The following TEP1 variants were observed in gnomAD, a reference collection of about 807,000 sequenced individuals.
TEP1 encodes telomerase protein component 1.
In TEP1, 241 loss-of-function variants were observed where a neutral mutation model predicts 306.3. That is an observed-to-expected ratio of 0.79 (90% confidence interval 0.71 to 0.88). The LOEUF is 0.88. Among genes scored for constraint, TEP1 ranks in the 40% least tolerant of loss-of-function variants. The probability of loss-of-function intolerance (pLI) is 0.00; values close to 1 mark genes in which losing one functional copy is unlikely to be tolerated. For synonymous variants in TEP1, 1,289 were observed against 1,305.5 expected, an observed-to-expected ratio of 0.99 and a Z score of 0.27; for missense variants, 3,051 against 3,276.1, an observed-to-expected ratio of 0.93 and a Z score of 1.68.
At chr14:20,371,822 G>T (rs1025411858) in intron 49 of TEP1, among the ~76,000 whole-genome samples, 190 bp from the exon 50 acceptor site, 9 of 152,062 alleles carry the variant, frequency 5.9e-5, no homozygotes, top group African/African-American at 1.9e-4. Context: ...CCCATTACTT[G>T]CTCAAACTAG....
In TEP1 at chr14:20,378,039, A is replaced by G. The variant is rs763568850; in HGVS notation, c.5706T>C (p.Ala1902=). 1.9e-6 allele frequency: 3 copies of G among 1,612,104 alleles called. No homozygotes were observed. The highest frequency in any genetic ancestry group is 2.5e-6 in the Non-Finnish European group (3 of 1,179,758). The change falls in exon 39 of 55, where the codon GCT becomes GCC. Residue 1902 remains alanine, a synonymous_variant. Coordinates refer to ENST00000262715, the MANE Select transcript of TEP1 (RefSeq NM_007110.5). ...FLHAGCQLLT[A]GEDGKVQVWS... ...GCAAGCTGACCTTGCCATCCTCTCC[A>G]GCCGTCAGTAACTGGCAACCCGCAT...
intron 4 of TEP1, 79 bp downstream of exon 4, chr14:20,405,372 C>A: frequency 6.4e-7 from 1 of 1,560,680 alleles, no homozygotes; most frequent in South Asian, 1.2e-5. Flanking sequence ...TGAAGCTAGT[C>A]ACCACCCCGC....
intron 53 of TEP1, 69 bp from the exon 54 acceptor site, chr14:20,368,971 G>T: frequency 8.8e-7 from 1 of 1,131,980 alleles, no homozygotes; most frequent in Non-Finnish European, 1.3e-6. Flanking sequence ...GCATCACAAT[G>T]TGCTGTGTCA....
In TEP1 at chr14:20,384,486, C is replaced by T. The variant is rs770102977; in HGVS notation, c.3244G>A (p.Val1082Met). 5.3e-5 allele frequency: 86 copies of T among 1,614,114 alleles called. No individual in the cohort carries two copies. The East Asian group carries it at 1.6e-3, about 29-fold the overall frequency. Residue 1082 changes from valine to methionine, a missense_variant, in exon 23 of 55, where the codon GTG (valine) becomes ATG (methionine). By Grantham distance (21) the Val-to-Met change is conservative (BLOSUM62 1). Coordinates refer to ENST00000262715, the MANE Select transcript of TEP1 (RefSeq NM_007110.5). ...CCAACATAGGGCCGGCCAGCTGCCA[C>T]ACCCCCCCACTCACAGGGGTATCTG... ...CRRYPCEWGG[V>M]AAGRPYVGGL... is the part of the protein sequence containing the mutation.
rs1360690989 is a variant in TEP1 at position 20,377,007 on chromosome 14, G to A, written c.6088+273C>T. Among the ~76,000 whole-genome samples the A allele has an allele frequency of 5.3e-5, 8 of 152,144 alleles. No homozygotes were observed. In the East Asian group the frequency reaches 1.5e-3, roughly 29 times the overall value. Reference sequence around the variant, plus strand: ...GAGGTGGGTGGATCACCTATGGTCAGGAGTTCGAGACCAGCATGACCAACA... The same window carrying A: ...GAGGTGGGTGGATCACCTATGGTCAAGAGTTCGAGACCAGCATGACCAACA... On this transcript the variant is annotated intron_variant, in intron 41 of 54. Coordinates refer to ENST00000262715, the MANE Select transcript of TEP1 (RefSeq NM_007110.5).
intron 29 of TEP1, 46 bp from the exon 30 acceptor site, chr14:20,382,109 C>A (rs376019257): frequency 3.5e-5 from 56 of 1,611,092 alleles, no homozygotes; most frequent in Admixed American, 1.2e-4. Context: ...CATACGGTGT[C>A]CCCGCCCCCA....
Position 20,370,059 on chromosome 14 carries a change from G to A in TEP1, c.7318-280C>T, listed in dbSNP as rs118050610. On this transcript the variant is annotated intron_variant, in intron 51 of 54. Coordinates refer to ENST00000262715, the MANE Select transcript of TEP1 (RefSeq NM_007110.5). Reference sequence around the variant, plus strand: ...CTCCCAAGTAGCTGGGAACACCGGCGTGCGCCACCACACCCAGCTGATTTT... The same window carrying A: ...CTCCCAAGTAGCTGGGAACACCGGCATGCGCCACCACACCCAGCTGATTTT... 1.2e-3 allele frequency among the ~76,000 whole-genome samples: 186 copies of A among 152,174 alleles called. 4 individuals carry two copies. In the East Asian group the frequency reaches 0.033, roughly 27 times the overall value.
chr14:20,381,036 C>T lies in TEP1; in HGVS notation c.4657G>A (p.Gly1553Arg), dbSNP rs748205898. Reference sequence around the variant, plus strand: ...AACTTCGAAAGAAGTCCACGGTTCCCGCTCTGGAGCTGAGAAGGTCAGATT... The same window carrying T: ...AACTTCGAAAGAAGTCCACGGTTCCTGCTCTGGAGCTGAGAAGGTCAGATT... The part of the protein sequence containing the change: ...GDLPYHLLQS[G>R]NRGLLSKFLT... Residue 1553 changes from glycine to arginine, a missense_variant, in exon 33 of 55, where the codon GGG (glycine) becomes AGG (arginine). Physicochemically the swap from Gly to Arg is moderately radical, Grantham distance 125. Transcript: ENST00000262715. The surrounding 1 kb of genome is among the most constrained non-coding windows in gnomAD (Gnocchi z 4.0). The T allele has an allele frequency of 6.8e-6, 11 of 1,613,932 alleles. No homozygotes were observed. Among genetic ancestry groups the T allele is most frequent in the Admixed American group, 3.3e-5 (2 of 59,998 alleles).
Position 20,372,083 on chromosome 14 carries a change from C to T in TEP1, c.7077-451G>A, listed in dbSNP as rs550002503. ...CTTTATAAAATCCAGATAATTATTCCACCCAAAATTCTTAGCACTGTGCCC... is the reference window on the plus strand; with the variant it reads ...CTTTATAAAATCCAGATAATTATTCTACCCAAAATTCTTAGCACTGTGCCC... On this transcript the variant is annotated intron_variant, in intron 49 of 54. Coordinates refer to ENST00000262715, the MANE Select transcript of TEP1 (RefSeq NM_007110.5). Among the ~76,000 whole-genome samples the T allele has an allele frequency of 6.6e-5, 10 of 152,168 alleles. No homozygotes were observed. In the East Asian group the frequency reaches 1.9e-3, roughly 29 times the overall value.
Position 20,390,925 on chromosome 14 carries a change from T to C in TEP1, c.2256+13A>G, listed in dbSNP as rs872073. ...TTCATGTATTTTTGGATGGTGGGTGTTGAGTGTCTGACCTGGACTTGAGCC... is the reference window on the plus strand; with the variant it reads ...TTCATGTATTTTTGGATGGTGGGTGCTGAGTGTCTGACCTGGACTTGAGCC... On this transcript the variant is annotated intron_variant, in intron 14 of 54. Transcript: ENST00000262715. 0.22 allele frequency: 361,084 copies of C among 1,613,738 alleles called. 42,133 individuals are homozygous for C. Among genetic ancestry groups the C allele is most frequent in the African/African-American group, 0.31 (23,244 of 74,950 alleles).
intron 5 of TEP1, 86 bp from the exon 6 acceptor site, chr14:20,403,970 G>A (rs1009018505): frequency 7.7e-6 from 12 of 1,559,982 alleles, no homozygotes; most frequent in Admixed American, 5.2e-5. Flanking sequence ...GGAGATACAC[G>A]AGAGCACAGA....
At position 20,381,853 on chromosome 14, in the gene TEP1, C is replaced by T; in HGVS notation, c.4424+60G>A. ...AGTTGTTGAAGCTATACAGAGGGCC[C>T]CGGCTCAAAGAAGGGAAGGCACAGA... On this transcript the variant is annotated intron_variant, in intron 30 of 54. Transcript: ENST00000262715. This position sits in a 1 kb window ranked among gnomAD's most constrained non-coding sequence, Gnocchi z 4.0. 4 of 1,594,618 alleles carry T rather than the reference C, an allele frequency of 2.5e-6. No homozygotes were observed. The South Asian group carries it at 3.4e-5, about 14-fold the overall frequency.
chr14:20,375,773 C>A lies in TEP1; in HGVS notation c.6345G>T (p.Trp2115Cys). 1 of 1,613,252 alleles carries A rather than the reference C, an allele frequency of 6.2e-7. No individual in the cohort carries two copies. The highest frequency in any genetic ancestry group is 8.5e-7 in the Non-Finnish European group (1 of 1,179,784). ...TACTCACCAGTAGGTTATCTTTGGT[C>A]CAGGCACAGCCAGTGACCCAGTCAC... ...CHRDWVTGCA[W>C]TKDNLLISCS... The change falls in exon 43 of 55, where the codon TGG (tryptophan) becomes TGT (cysteine). Residue 2115 changes from tryptophan to cysteine, a missense_variant. By Grantham distance (215) the Trp-to-Cys change is radical. This residue lies in a region of TEP1 where 1,540 missense variants were observed against 1,705.9 expected (regional missense o/e 0.90). Transcript: ENST00000262715.
chr14:20,380,113 T>C (rs1305729121), intron 34 of TEP1, 60 bp from the exon 35 acceptor site: 2 of 1,589,248 alleles, frequency 1.3e-6, no homozygotes, highest in Middle Eastern at 1.7e-4. Flanking sequence ...CAGGAGTTGA[T>C]TTATGTGCTT....
intron 7 of TEP1, among the ~76,000 whole-genome samples, chr14:20,402,142 C>G (rs1370617793): frequency 6.6e-6 from 1 of 151,972 alleles, no homozygotes; most frequent in African/African-American, 2.4e-5. Context: ...CCCGTCTCTA[C>G]TAAAACTACA....
In TEP1 at chr14:20,373,759, G is replaced by A. The variant is rs754602728; in HGVS notation, c.6523C>T (p.His2175Tyr). Residue 2175 changes from histidine (H) to tyrosine (Y), a missense_variant, in exon 45 of 55, where the codon CAT becomes TAT. His to Tyr is a moderately conservative substitution (Grantham distance 83). Transcript: ENST00000262715. ...SRDGTLKVWD[H>Y]QGVELTSIPA... ...ATGCTGGTCAGCTCCACGCCTTGATGGTCCCACACTTTCAAGGTCCCATCC... is the reference window on the plus strand; with the variant it reads ...ATGCTGGTCAGCTCCACGCCTTGATAGTCCCACACTTTCAAGGTCCCATCC... The A allele has an allele frequency of 3.2e-5, 52 of 1,614,006 alleles. No homozygotes were observed. The highest frequency in any genetic ancestry group is 4.4e-5 in the Non-Finnish European group (52 of 1,180,042).
chr14:20,377,858 T>A, intron 39 of TEP1, 105 bp from the exon 40 acceptor site: 1 of 1,508,778 alleles, frequency 6.6e-7, no homozygotes, highest in Admixed American at 1.9e-5. Flanking sequence ...CCAGAGACTC[T>A]TCTCATGAGA....
chr14:20,370,237 A>G (rs988637196), intron 51 of TEP1, among the ~76,000 whole-genome samples: 6 of 147,862 alleles, frequency 4.1e-5, no homozygotes, highest in African/African-American at 1.5e-4. Context: ...TTAAATGTAC[A>G]TCGGCGATGT....
chr14:20,378,815 C>A lies in TEP1; in HGVS notation c.5291G>T (p.Gly1764Val), dbSNP rs1885356442. The A allele has an allele frequency of 6.2e-7, 1 of 1,614,228 alleles. No homozygotes were observed. The highest frequency in any genetic ancestry group is 2.2e-5 in the East Asian group (1 of 44,888). The change falls in exon 37 of 55, where the codon GGC becomes GTC. Residue 1764 changes from glycine (G) to valine (V), a missense_variant. By Grantham distance (109) the Gly-to-Val change is moderately radical (BLOSUM62 -3). This residue lies in a region of TEP1 where 1,540 missense variants were observed against 1,705.9 expected (regional missense o/e 0.90). Transcript: ENST00000262715. ...CCGGCAGTCTGGGCTCAGGCAGCAGCCAGTGATTTGGTACTGGTGAGCCTT... is the reference window on the plus strand; with the variant it reads ...CCGGCAGTCTGGGCTCAGGCAGCAGACAGTGATTTGGTACTGGTGAGCCTT... The part of the protein sequence containing the change: ...QTKAHQYQIT[G>V]CCLSPDCRLL...
Sources: allele counts gnomAD v4.1 joint callset (sites outside exome capture counted in the v4.1 genomes callset), GRCh38; gene constraint gnomAD v4.1.1; regional missense constraint gnomAD v4.1.1; non-coding constraint Gnocchi (gnomAD v3.1); transcripts MANE v1.5; gene names NCBI Gene and HGNC (gene_info 2026-07-23, HGNC 2026-07-21).